Variants in KCNIP4 observed in about 807,000 individuals in gnomAD.
KCNIP4 encodes the protein Kv channel-interacting protein 4.
Under a neutral mutation model 34.0 loss-of-function variants are expected in KCNIP4, and 12 were observed. The observed-to-expected ratio is 0.35, with a 90% confidence interval of 0.23 to 0.57. The LOEUF (loss-of-function observed/expected upper bound fraction) is 0.57, where lower values mean the gene tolerates loss of function less well. KCNIP4 is among the 20% of genes least tolerant of loss of function. KCNIP4 has a pLI of 0.83. For synonymous variants in KCNIP4, 124 were observed against 102.2 expected (o/e 1.21, Z -1.29); for missense variants, 238 against 311.7 (o/e 0.76, Z 1.78).
intron 1 of KCNIP4, among the ~76,000 whole-genome samples, chr4:21,111,783 T>A (rs775601892): frequency 6.6e-6 from 1 of 151,852 alleles, no homozygotes; most frequent in Non-Finnish European, 1.5e-5. Flanking sequence ...CAGGACAGGG[T>A]GGAGACAGTG....
intron 1 of KCNIP4, among the ~76,000 whole-genome samples, chr4:21,235,055 T>C (rs1577935030): frequency 6.6e-6 from 1 of 152,162 alleles, no homozygotes; most frequent in South Asian, 2.1e-4. Flanking sequence ...TCAGGTCTTA[T>C]AACTACTATA....
At position 21,363,320 on chromosome 4, in the gene KCNIP4, C is replaced by A. The variant is rs192840423; in HGVS notation, c.62-480611G>T. On this transcript the variant is annotated intron_variant, in intron 1 of 8. Transcript: ENST00000382152. ...CTGTGATCCCTTCTCTTGGACATCA[C>A]TTCAGGCTTGTTTCTGGCTCCAAAT... 1.8e-4 allele frequency among the ~76,000 whole-genome samples: 28 copies of A among 152,206 alleles called. No homozygotes were observed. In the East Asian group the frequency reaches 4.8e-3, roughly 26 times the overall value.
intron 1 of KCNIP4, among the ~76,000 whole-genome samples, chr4:21,434,817 A>G (rs937947978): frequency 4.0e-5 from 6 of 150,732 alleles, no homozygotes; most frequent in Non-Finnish European, 5.9e-5. Flanking sequence ...CCCGGTGGCG[A>G]AAAGGTTGGG....
At chr4:20,872,734 A>G (rs1723615757) in intron 2 of KCNIP4, among the ~76,000 whole-genome samples, 1 of 152,196 alleles carries the variant, frequency 6.6e-6, no homozygotes, top group Admixed American at 6.5e-5. Flanking sequence ...GTGTTTTGTA[A>G]GTAGTCATCA....
intron 1 of KCNIP4, among the ~76,000 whole-genome samples, chr4:21,665,605 G>C (rs1158500866): frequency 6.6e-6 from 1 of 150,888 alleles, no homozygotes; most frequent in South Asian, 2.1e-4. Flanking sequence ...AAGAAGCACA[G>C]ATAGGAACAT....
intron 1 of KCNIP4, among the ~76,000 whole-genome samples, chr4:21,824,024 G>C (rs908541852): frequency 1.3e-5 from 2 of 152,210 alleles, no homozygotes; most frequent in East Asian, 1.9e-4. Context: ...CGTGCAATGG[G>C]GCTTGCTGCT....
chr4:20,931,126 G>A (rs1730422491), intron 1 of KCNIP4, among the ~76,000 whole-genome samples: 1 of 151,622 alleles, frequency 6.6e-6, no homozygotes, highest in Non-Finnish European at 1.5e-5. Flanking sequence ...TCAACATATG[G>A]AAACAACCTA....
chr4:21,122,198 C>T (rs1247868966), intron 1 of KCNIP4, among the ~76,000 whole-genome samples: 21 of 141,442 alleles, frequency 1.5e-4, no homozygotes, highest in Middle Eastern at 4.3e-3. Context: ...TAAGTGCGTA[C>T]ACATTTTGAA....
At position 20,899,701 on chromosome 4, in the gene KCNIP4, AG is replaced by A. The variant is rs1207988416; in HGVS notation, c.62-16993del. Among the ~76,000 whole-genome samples, 14 of 152,330 alleles carry A rather than the reference AG, an allele frequency of 9.2e-5. No homozygotes were observed. In the East Asian group the frequency reaches 2.7e-3, roughly 29 times the overall value. ...TTTGTCAAGAATTTCATAACTTCAA[AG>A]CTGGCTGGCTGAATGAATGGTGAGC... is the stretch of plus-strand genomic sequence containing the variant. On this transcript the variant is annotated intron_variant, in intron 1 of 8. Transcript: ENST00000382152.
rs530197764 is a variant in KCNIP4, at chr4:21,357,631, A to G, written c.62-474922T>C. 7.9e-5 allele frequency among the ~76,000 whole-genome samples: 12 copies of G among 152,322 alleles called. No individual in the cohort carries two copies. In the South Asian group the frequency reaches 2.3e-3, roughly 29 times the overall value. On this transcript the variant is annotated intron_variant, in intron 1 of 8. Transcript: ENST00000382152. The stretch of plus-strand genomic sequence containing the variant: ...AAACCAAAATGAGATACCATCTCAT[A>G]CCAATTAGAATGGTGATCATTGAAA...
intron 1 of KCNIP4, among the ~76,000 whole-genome samples, chr4:21,165,437 G>T (rs1419667410): frequency 1.9e-5 from 2 of 103,326 alleles, no homozygotes; most frequent in East Asian, 3.8e-4. Context: ...AAAATCATAT[G>T]TTTGAAAGCA....
chr4:21,877,265 A>G (rs1726178541), intron 1 of KCNIP4, among the ~76,000 whole-genome samples: 1 of 152,110 alleles, frequency 6.6e-6, no homozygotes, highest in African/African-American at 2.4e-5. Context: ...AGGCAGGAGA[A>G]TTGCTTGAAC....
intron 1 of KCNIP4, among the ~76,000 whole-genome samples, chr4:20,935,238 A>G (rs567538284): frequency 6.6e-6 from 1 of 152,312 alleles, no homozygotes; most frequent in Admixed American, 6.5e-5. Flanking sequence ...AGACTGAAAA[A>G]TGCTTGTTGC....
At chr4:21,677,586 G>A (rs939074237) in intron 1 of KCNIP4, among the ~76,000 whole-genome samples, 3 of 152,130 alleles carry the variant, frequency 2.0e-5, no homozygotes, top group Non-Finnish European at 4.4e-5. Flanking sequence ...TCAAAGGCCT[G>A]TAGGGCATCC....
intron 1 of KCNIP4, among the ~76,000 whole-genome samples, chr4:21,235,291 A>T (rs1039668407): frequency 6.6e-6 from 1 of 152,146 alleles, no homozygotes; most frequent in Admixed American, 6.6e-5. Context: ...CCACCTACCC[A>T]GGATAAGGCT....
intron 1 of KCNIP4, among the ~76,000 whole-genome samples, chr4:20,885,537 T>C (rs1014182156): frequency 3.9e-5 from 6 of 152,178 alleles, no homozygotes; most frequent in African/African-American, 1.4e-4. Flanking sequence ...TGAAAAACCC[T>C]AGCCTCTGAA....
chr4:21,658,483 T>C (rs2108985256), intron 1 of KCNIP4, among the ~76,000 whole-genome samples: 1 of 152,282 alleles, frequency 6.6e-6, no homozygotes, highest in South Asian at 2.1e-4. Context: ...TGGCACGATC[T>C]CAGCTCACTG....
intron 1 of KCNIP4, among the ~76,000 whole-genome samples, chr4:21,095,101 G>A (rs1008219368): frequency 2.6e-5 from 4 of 152,164 alleles, no homozygotes; most frequent in African/African-American, 7.2e-5. Flanking sequence ...TTTCAAATAT[G>A]GATAACAAGG....
intron 1 of KCNIP4, among the ~76,000 whole-genome samples, chr4:21,019,474 C>T (rs570076371): frequency 2.6e-5 from 4 of 152,164 alleles, no homozygotes; most frequent in East Asian, 3.9e-4. Flanking sequence ...CTCATATTAA[C>T]GGAACTACCT....
Sources: allele counts gnomAD v4.1 joint callset (sites outside exome capture counted in the v4.1 genomes callset), GRCh38; gene constraint gnomAD v4.1.1; transcripts MANE v1.5; gene names NCBI Gene and HGNC (gene_info 2026-07-23, HGNC 2026-07-21).